ADARB1: variants seen among roughly 807,000 people sequenced by gnomAD.
ADARB1 encodes the protein double-stranded RNA-specific editase 1.
In ADARB1, 10 loss-of-function variants were observed where a neutral mutation model predicts 52.4. The ratio of observed to expected loss-of-function variants is 0.19; its 90% CI spans 0.12 to 0.32. ADARB1 has a LOEUF of 0.32. Among genes scored for constraint, ADARB1 ranks in the 10% least tolerant of loss-of-function variants. The pLI is 1.00. For missense variants in ADARB1, 643 were observed against 922.3 expected, an observed-to-expected ratio of 0.70 and a Z score of 3.92; for synonymous variants, 349 against 371.1, an observed-to-expected ratio of 0.94 and a Z score of 0.68.
intron 2 of ADARB1, among the ~76,000 whole-genome samples, chr21:45,148,845 C>G (rs1457107270): frequency 6.6e-6 from 1 of 152,230 alleles, no homozygotes. Context: ...CCCAGCTTCT[C>G]TCTCCACCCA....
At chr21:45,118,094 A>T (rs2087931475) in intron 1 of ADARB1, among the ~76,000 whole-genome samples, 1 of 152,254 alleles carries the variant, frequency 6.6e-6, no homozygotes, top group South Asian at 2.1e-4. Context: ...AGTAACATTT[A>T]TAGTATTATG....
chr21:45,130,643 C>T (rs2088874600), intron 2 of ADARB1, among the ~76,000 whole-genome samples: 1 of 152,178 alleles, frequency 6.6e-6, no homozygotes, highest in South Asian at 2.1e-4. Context: ...CACGGCCGTC[C>T]TCAGCCTCAC....
Position 45,225,512 on chromosome 21 carries a change from G to A in ADARB1, c.*3315G>A. ...AGGCTGTGGAATCGCCACTTTCTTT[G>A]TGAAGACAGTGTCTCTCCTTGTAAT... On this transcript the variant is annotated 3_prime_UTR_variant, in exon 11 of 11. Coordinates refer to ENST00000348831, the MANE Select transcript of ADARB1 (RefSeq NM_001112.4). 7.6e-7 allele frequency: 1 copy of A among 1,319,932 alleles called. No homozygotes were observed. The highest frequency in any genetic ancestry group is 9.8e-7 in the Non-Finnish European group (1 of 1,024,684). 81.8% of individuals were successfully genotyped at this position (1,319,932 alleles called of 1,614,324 possible). A position where few individuals can be genotyped will look rare whatever the true frequency, so the allele number is the denominator to read the frequency against.
At chr21:45,196,421 GATA>G (rs1213531821) in intron 8 of ADARB1, among the ~76,000 whole-genome samples, 1 of 152,130 alleles carries the variant, frequency 6.6e-6, no homozygotes, top group Admixed American at 6.5e-5. Flanking sequence ...GGAAACAGGA[GATA>G]ATGTTTGTGA....
chr21:45,115,523 T>C (rs1199457144), intron 1 of ADARB1, among the ~76,000 whole-genome samples: 1 of 152,206 alleles, frequency 6.6e-6, no homozygotes, highest in Non-Finnish European at 1.5e-5. Flanking sequence ...TACATCCCAG[T>C]CAAATTAGCA....
chr21:45,127,848 T>G (rs764939580), intron 1 of ADARB1, among the ~76,000 whole-genome samples: 79 of 152,182 alleles, frequency 5.2e-4, no homozygotes, highest in Non-Finnish European at 1.1e-3. Context: ...TATAATTATA[T>G]TAGCATGTTG....
At chr21:45,113,104 C>T (rs1190211158) in intron 1 of ADARB1, among the ~76,000 whole-genome samples, 1 of 152,024 alleles carries the variant, frequency 6.6e-6, no homozygotes, top group Non-Finnish European at 1.5e-5. Flanking sequence ...ATTTTGGGGA[C>T]TAAAATGTGA....
chr21:45,185,485 A>G (rs748514523), intron 8 of ADARB1, among the ~76,000 whole-genome samples: 1 of 152,218 alleles, frequency 6.6e-6, no homozygotes, highest in Non-Finnish European at 1.5e-5. Context: ...CATTTTAGGT[A>G]GTTGATATGT....
At chr21:45,111,428 C>G (rs1249134890) in intron 1 of ADARB1, among the ~76,000 whole-genome samples, 1 of 152,106 alleles carries the variant, frequency 6.6e-6, no homozygotes, top group Non-Finnish European at 1.5e-5. Flanking sequence ...TATCCGGAGC[C>G]GTGTATTTGT....
chr21:45,148,090 A>G (rs1001901279), intron 2 of ADARB1, among the ~76,000 whole-genome samples: 1 of 152,176 alleles, frequency 6.6e-6, no homozygotes, highest in Non-Finnish European at 1.5e-5. Context: ...CAAGCTAAGC[A>G]TCTGTGAGAA....
At chr21:45,152,504 T>C (rs1036645645) in intron 2 of ADARB1, 1 of 247,350 alleles carries the variant, frequency 4.0e-6, no homozygotes, top group East Asian at 1.3e-4. Context: ...GGGCTGCTGT[T>C]GTCGCAGCTG....
chr21:45,141,510 A>C (rs754366172), intron 2 of ADARB1, among the ~76,000 whole-genome samples: 1 of 152,164 alleles, frequency 6.6e-6, no homozygotes, highest in Non-Finnish European at 1.5e-5. Context: ...TAAGAATTTA[A>C]AAAGTTTCCC....
chr21:45,153,805 C>T (rs1161578565), intron 2 of ADARB1, among the ~76,000 whole-genome samples: 1 of 152,132 alleles, frequency 6.6e-6, no homozygotes, highest in East Asian at 1.9e-4. Flanking sequence ...GACTGACGGG[C>T]GGTCTCAGGA....
chr21:45,121,890 G>T (rs1018562194), intron 1 of ADARB1, among the ~76,000 whole-genome samples: 5 of 152,156 alleles, frequency 3.3e-5, no homozygotes, highest in Non-Finnish European at 7.4e-5. Flanking sequence ...TGTTTTCCCA[G>T]CTGTATCCCC....
At chr21:45,132,542 G>C (rs995584785) in intron 2 of ADARB1, among the ~76,000 whole-genome samples, 1 of 152,196 alleles carries the variant, frequency 6.6e-6, no homozygotes, top group Non-Finnish European at 1.5e-5. Flanking sequence ...TTATAGAACA[G>C]GGACCAGGCC....
intron 1 of ADARB1, among the ~76,000 whole-genome samples, chr21:45,122,540 C>T (rs948519750): frequency 2.6e-5 from 4 of 152,098 alleles, no homozygotes; most frequent in Admixed American, 6.5e-5. Flanking sequence ...GGATTTCCTG[C>T]GACTAGGAGC....
chr21:45,210,012 G>A (rs1013161983), intron 9 of ADARB1, among the ~76,000 whole-genome samples: 4 of 152,164 alleles, frequency 2.6e-5, no homozygotes, highest in African/African-American at 9.7e-5. Context: ...TTTTCCCCGC[G>A]GAGCAGGCTC....
chr21:45,076,012 T>G (rs1398865131), intron 1 of ADARB1, among the ~76,000 whole-genome samples: 1 of 152,270 alleles, frequency 6.6e-6, no homozygotes, highest in Admixed American at 6.5e-5. Context: ...TTTTGCCGTA[T>G]GTTTTATTGC....
At chr21:45,132,046 T>G (rs2088977089) in intron 2 of ADARB1, among the ~76,000 whole-genome samples, 1 of 152,236 alleles carries the variant, frequency 6.6e-6, no homozygotes, top group Admixed American at 6.5e-5. Flanking sequence ...GACAAAAACT[T>G]GACATTTTTC....
Sources: allele counts gnomAD v4.1 joint callset (sites outside exome capture counted in the v4.1 genomes callset), GRCh38; gene constraint gnomAD v4.1.1; transcripts MANE v1.5; gene names NCBI Gene and HGNC (gene_info 2026-07-23, HGNC 2026-07-21).